Variants in ATAD2B observed in about 807,000 individuals in gnomAD.
ATAD2B encodes the protein ATPase family AAA domain containing 2B.
A neutral mutation model predicts 167.6 loss-of-function variants in ATAD2B; 40 were observed. That is an observed-to-expected ratio of 0.24 (90% CI 0.19 to 0.31). ATAD2B has a LOEUF of 0.31. Ranked by LOEUF, ATAD2B falls within the 10% of genes least tolerant of loss-of-function variation. ATAD2B has a pLI of 1.00. For missense variants in ATAD2B, 1,242 were observed against 1,757.2 expected (o/e 0.71, Z 5.24); for synonymous variants, 579 against 596.5 (o/e 0.97, Z 0.43).
chr2:23,687,469 T>A, the ATAD2B span, among the ~76,000 whole-genome samples: 2 of 152,096 alleles, frequency 1.3e-5, no homozygotes, highest in African/African-American at 4.8e-5. Flanking sequence ...CAGGACAGAA[T>A]GGGAATTCAA....
chr2:23,906,091 C>G (rs920038052), intron 1 of ATAD2B, among the ~76,000 whole-genome samples: 17 of 152,090 alleles, frequency 1.1e-4, no homozygotes, highest in Non-Finnish European at 2.9e-5. Flanking sequence ...AATCCCGATA[C>G]TTTGGGAAGC....
chr2:23,708,643 T>C, the ATAD2B span: 1 of 152,224 alleles, frequency 6.6e-6, no homozygotes, highest in African/African-American at 2.4e-5. Context: ...GCCATCGTCC[T>C]GCCACAGGGA....
At chr2:23,682,733 C>T in the ATAD2B span, among the ~76,000 whole-genome samples, 3 of 152,054 alleles carry the variant, frequency 2.0e-5, no homozygotes, top group Admixed American at 2.0e-4. This position sits in a 1 kb window ranked among gnomAD's most constrained non-coding sequence, Gnocchi z 4.1. Context: ...GCCTGTTGGT[C>T]TCTGTCTGTA....
intron 1 of ATAD2B, among the ~76,000 whole-genome samples, chr2:23,912,458 G>A (rs994519077): frequency 2.6e-5 from 4 of 151,696 alleles, no homozygotes; most frequent in Admixed American, 6.6e-5. Flanking sequence ...AGTGGGCTAC[G>A]ATCATGCCAC....
At chr2:23,825,094 C>T (rs1688038253) in intron 15 of ATAD2B, among the ~76,000 whole-genome samples, 1 of 150,038 alleles carries the variant, frequency 6.7e-6, no homozygotes, top group African/African-American at 2.5e-5. Context: ...CAGTGTGTGC[C>T]ATCACATCAG....
intron 15 of ATAD2B, 95 bp downstream of exon 15, chr2:23,828,754 A>G: frequency 1.3e-6 from 1 of 756,982 alleles, no homozygotes; most frequent in East Asian, 2.6e-5. Flanking sequence ...CACAATCAAA[A>G]ACATAACTAT....
intron 15 of ATAD2B, 126 bp downstream of exon 15, chr2:23,828,723 A>T (rs1688604552): frequency 1.7e-6 from 1 of 579,588 alleles, no homozygotes; most frequent in African/African-American, 1.9e-5. Flanking sequence ...TTTAAAACAT[A>T]AAGGTAGAGA....
At position 23,863,436 on chromosome 2, in the gene ATAD2B, C is replaced by T; in HGVS notation, c.1424G>A (p.Cys475Tyr). 6.4e-7 allele frequency: 1 copy of T among 1,552,466 alleles called. No homozygotes were observed. The highest frequency in any genetic ancestry group is 2.4e-5 in the East Asian group (1 of 40,942). The change falls in exon 12 of 28, where the codon TGT (cysteine) becomes TAT (tyrosine). Residue 475 changes from cysteine (C) to tyrosine (Y), a missense_variant. Coordinates refer to ENST00000238789, the MANE Select transcript of ATAD2B (RefSeq NM_017552.4). ...AGATTCACCAACCCACTTGCTCAAA[C>T]AATCTGCTCCTTTTCGCATAAAAAA... is the stretch of plus-strand genomic sequence containing the variant. ...VAFFMRKGADCLSKWVGESER... is the reference protein window; with the variant it reads ...VAFFMRKGADYLSKWVGESER...
intron 1 of ATAD2B, among the ~76,000 whole-genome samples, chr2:23,904,300 A>C (rs1701206229): frequency 6.6e-6 from 1 of 152,188 alleles, no homozygotes; most frequent in Non-Finnish European, 1.5e-5. Context: ...AAGAGGAGTT[A>C]AACTGCTCCA....
the ATAD2B span, chr2:23,697,242 G>C: frequency 8.3e-4 from 127 of 152,352 alleles, 1 homozygote; most frequent in African/African-American, 3.0e-3. Flanking sequence ...GGGTGCTTCC[G>C]GATGAGAATA....
At chr2:23,826,987 C>A (rs1464771235) in intron 15 of ATAD2B, among the ~76,000 whole-genome samples, 1 of 152,070 alleles carries the variant, frequency 6.6e-6, no homozygotes, top group Non-Finnish European at 1.5e-5. Flanking sequence ...ATGAACTGAA[C>A]CTATTCATGT....
intron 18 of ATAD2B, among the ~76,000 whole-genome samples, chr2:23,799,570 C>CTA (rs1683144895): frequency 2.5e-5 from 1 of 40,538 alleles, no homozygotes; most frequent in Non-Finnish European, 4.7e-5. Context: ...GACTCCATCT[C>CTA]AAAAAAAAAA....
chr2:23,742,147 G>A, the ATAD2B span, among the ~76,000 whole-genome samples: 4 of 152,260 alleles, frequency 2.6e-5, no homozygotes, highest in South Asian at 2.1e-4. Flanking sequence ...TCAGTGTGGC[G>A]ATTCCTCAGG....
the ATAD2B span, among the ~76,000 whole-genome samples, chr2:23,743,090 A>C: frequency 3.3e-5 from 5 of 152,204 alleles, no homozygotes; most frequent in East Asian, 9.6e-4. Flanking sequence ...TATAAATGAG[A>C]AAAGTCCAGA....
At chr2:23,698,487 G>A in the ATAD2B span, among the ~76,000 whole-genome samples, 2 of 152,194 alleles carry the variant, frequency 1.3e-5, no homozygotes, top group Non-Finnish European at 2.9e-5. Context: ...GGACAGACAC[G>A]AGGGGGCTTT....
intron 6 of ATAD2B, 108 bp from the exon 7 acceptor site, chr2:23,880,863 CA>C: frequency 1.5e-6 from 1 of 683,884 alleles, no homozygotes. Flanking sequence ...TCTTTCTGCA[CA>C]GGTGACATTT....
At chr2:23,702,216 TA>T in the ATAD2B span, among the ~76,000 whole-genome samples, 1 of 152,118 alleles carries the variant, frequency 6.6e-6, no homozygotes, top group Non-Finnish European at 1.5e-5. Flanking sequence ...ATAAACTCAT[TA>T]TAAGTTGAAA....
At chr2:23,909,126 TATA>T (rs1209358853) in intron 1 of ATAD2B, among the ~76,000 whole-genome samples, 1 of 135,704 alleles carries the variant, frequency 7.4e-6, no homozygotes, top group Non-Finnish European at 1.6e-5. Flanking sequence ...AAACTTAAAG[TATA>T]ATAATAATAA....
the ATAD2B span, among the ~76,000 whole-genome samples, chr2:23,722,031 T>C: frequency 1.3e-5 from 2 of 152,254 alleles, no homozygotes; most frequent in African/African-American, 2.4e-5. Flanking sequence ...ACTACACTAC[T>C]GTGTCTACCT....
Sources: gnomAD v4.1 joint callset for allele counts (sites outside exome capture counted in the v4.1 genomes callset) on GRCh38, gnomAD v4.1.1 for gene constraint, Gnocchi (gnomAD v3.1) non-coding constraint, MANE v1.5 for transcripts, NCBI Gene and HGNC (gene_info 2026-07-23, HGNC 2026-07-21) for gene names.